HTR1F: variants seen among roughly 807,000 people sequenced by gnomAD.
HTR1F encodes 5-hydroxytryptamine receptor 1F.
A neutral mutation model predicts 24.0 loss-of-function variants in HTR1F; 17 were observed. The observed-to-expected ratio is 0.71, with a 90% CI of 0.48 to 1.06. HTR1F has a LOEUF of 1.06. HTR1F is among the 50% of genes least tolerant of loss of function. The pLI is 0.00. For synonymous variants in HTR1F, 186 were observed against 156.8 expected, an observed-to-expected ratio of 1.19 and a Z score of -1.39; for missense variants, 391 against 427.8, an observed-to-expected ratio of 0.91 and a Z score of 0.76.
chr3:87,979,388 C>T lies in HTR1F; in HGVS notation c.-42-11320C>T, dbSNP rs566743625. ...ATTGACAGTGTTCTCCCTGGCAAGCCTGTCCTCTGTGTCCTAAGTCCGGCA... is the reference window on the plus strand; with the variant it reads ...ATTGACAGTGTTCTCCCTGGCAAGCTTGTCCTCTGTGTCCTAAGTCCGGCA... On this transcript the variant is annotated intron_variant, in intron 2 of 2. Coordinates refer to ENST00000319595, the MANE Select transcript of HTR1F (RefSeq NM_001322209.2). 6.6e-5 allele frequency among the ~76,000 whole-genome samples: 10 copies of T among 152,242 alleles called. No homozygotes were observed. The South Asian group carries it at 1.9e-3, about 28-fold the overall frequency.
chr3:87,863,235 GT>G (rs1705356154), intron 2 of HTR1F, among the ~76,000 whole-genome samples: 1 of 152,200 alleles, frequency 6.6e-6, no homozygotes, highest in Non-Finnish European at 1.5e-5. Context: ...GTTTGGGGGG[GT>G]TTTGTTGGTT....
rs145530135 is a variant in HTR1F, at chr3:87,922,260, C to A, written c.-42-68448C>A. Among the ~76,000 whole-genome samples the A allele has an allele frequency of 9.2e-4, 140 of 151,942 alleles. 1 individual carries two copies. The Middle Eastern group carries it at 0.01, about 11-fold the overall frequency. ...GATATGTCATTTTGGTTTTCATTTG[C>A]ATTTTCCTGATTAATGATGTTGAGC... On this transcript the variant is annotated intron_variant, in intron 2 of 2. Transcript: ENST00000319595.
chr3:87,826,650 T>C lies in HTR1F; in HGVS notation c.-43+4526T>C, dbSNP rs144922540. 1.4e-3 allele frequency among the ~76,000 whole-genome samples: 213 copies of C among 152,280 alleles called. 1 individual carries two copies. The highest frequency in any genetic ancestry group is 4.9e-3 in the African/African-American group (202 of 41,552). On this transcript the variant is annotated intron_variant, in intron 2 of 2. Coordinates refer to ENST00000319595, the MANE Select transcript of HTR1F (RefSeq NM_001322209.2). ...CAGCTTAGTGTTCCTATCCCTGCAGTGCACTTCGATAACGTCTCTTTAAGC... is the reference window on the plus strand; with the variant it reads ...CAGCTTAGTGTTCCTATCCCTGCAGCGCACTTCGATAACGTCTCTTTAAGC...
chr3:87,828,515 A>G (rs1704509743), intron 2 of HTR1F, among the ~76,000 whole-genome samples: 1 of 152,230 alleles, frequency 6.6e-6, no homozygotes, highest in Non-Finnish European at 1.5e-5. Context: ...AACATTGCTT[A>G]GAGCTAAGAA....
intron 2 of HTR1F, among the ~76,000 whole-genome samples, chr3:87,952,438 C>T (rs1704854066): frequency 6.6e-6 from 1 of 151,926 alleles, no homozygotes; most frequent in African/African-American, 2.4e-5. Context: ...GGGGAAATCT[C>T]TTTGAGCCTC....
chr3:87,918,630 C>A (rs1188683978), intron 2 of HTR1F, among the ~76,000 whole-genome samples: 1 of 151,618 alleles, frequency 6.6e-6, no homozygotes, highest in African/African-American at 2.4e-5. Context: ...ACAATAGCTG[C>A]AAAAAACATA....
At chr3:87,853,175 C>T (rs1253984791) in intron 2 of HTR1F, among the ~76,000 whole-genome samples, 2 of 149,810 alleles carry the variant, frequency 1.3e-5, no homozygotes, top group African/African-American at 2.5e-5. Context: ...AGGTATTAAG[C>T]CTAGTACCCA....
chr3:87,943,190 T>C (rs1029530899), intron 2 of HTR1F, among the ~76,000 whole-genome samples: 3 of 152,196 alleles, frequency 2.0e-5, no homozygotes, highest in African/African-American at 7.2e-5. Context: ...CTCTTTCTTC[T>C]GTTGTCATCC....
chr3:87,924,128 T>G (rs1226369614), intron 2 of HTR1F, among the ~76,000 whole-genome samples: 2 of 152,074 alleles, frequency 1.3e-5, no homozygotes, highest in Non-Finnish European at 2.9e-5. Flanking sequence ...GGTCCTGGGC[T>G]TTTCTTTTTT....
chr3:87,809,263 A>G (rs1407198432), intron 1 of HTR1F, among the ~76,000 whole-genome samples: 2 of 151,868 alleles, frequency 1.3e-5, no homozygotes, highest in Non-Finnish European at 3.0e-5. Flanking sequence ...ATAATAGCAT[A>G]TAATTATATT....
intron 2 of HTR1F, among the ~76,000 whole-genome samples, chr3:87,953,918 T>C (rs886076751): frequency 2.6e-5 from 4 of 151,800 alleles, no homozygotes; most frequent in Non-Finnish European, 5.9e-5. Flanking sequence ...TTATGGTAAG[T>C]AAAATAAGAC....
At chr3:87,954,331 TCAA>T (rs1297404268) in intron 2 of HTR1F, among the ~76,000 whole-genome samples, 2 of 151,744 alleles carry the variant, frequency 1.3e-5, no homozygotes, top group Non-Finnish European at 3.0e-5. Context: ...ATATTATGTA[TCAA>T]TTAAAAAGTA....
At chr3:87,873,728 C>G (rs1365360327) in intron 2 of HTR1F, among the ~76,000 whole-genome samples, 2 of 152,168 alleles carry the variant, frequency 1.3e-5, no homozygotes, top group African/African-American at 4.8e-5. Flanking sequence ...GATTATACAT[C>G]ATGACCAAAT....
intron 2 of HTR1F, among the ~76,000 whole-genome samples, chr3:87,949,839 C>A (rs1272652567): frequency 6.6e-6 from 1 of 152,182 alleles, no homozygotes; most frequent in African/African-American, 2.4e-5. Context: ...TCACCGTTCC[C>A]AGTTTGAACA....
intron 2 of HTR1F, among the ~76,000 whole-genome samples, chr3:87,986,630 A>G (rs1208872365): frequency 6.6e-6 from 1 of 152,208 alleles, no homozygotes; most frequent in Non-Finnish European, 1.5e-5. Flanking sequence ...ATGGAAACCC[A>G]CATAACTCTT....
At chr3:87,947,735 A>T (rs1414524889) in intron 2 of HTR1F, among the ~76,000 whole-genome samples, 1 of 152,186 alleles carries the variant, frequency 6.6e-6, no homozygotes, top group Non-Finnish European at 1.5e-5. Context: ...TAATATATGT[A>T]AAAACTAAAA....
intron 2 of HTR1F, among the ~76,000 whole-genome samples, chr3:87,914,249 T>A (rs1391113881): frequency 1.3e-5 from 2 of 152,058 alleles, no homozygotes; most frequent in Non-Finnish European, 2.9e-5. Context: ...AGAGAAGACC[T>A]TCAGGAGGGA....
intron 2 of HTR1F, among the ~76,000 whole-genome samples, chr3:87,910,866 A>G (rs1339233695): frequency 1.3e-5 from 2 of 152,118 alleles, no homozygotes; most frequent in Non-Finnish European, 2.9e-5. Context: ...CTGCTCCTGA[A>G]TGACATTTGA....
chr3:87,983,364 C>T (rs548934643), intron 2 of HTR1F, among the ~76,000 whole-genome samples: 3 of 152,342 alleles, frequency 2.0e-5, no homozygotes, highest in Non-Finnish European at 2.9e-5. Context: ...AGTTTCCCAT[C>T]TCTCTCAGTA....
Sources: gnomAD v4.1 joint callset for allele counts (sites outside exome capture counted in the v4.1 genomes callset) on GRCh38, gnomAD v4.1.1 for gene constraint, MANE v1.5 for transcripts, NCBI Gene and HGNC (gene_info 2026-07-23, HGNC 2026-07-21) for gene names.